DYSF: variants seen among roughly 807,000 people sequenced by gnomAD.
DYSF encodes dystrophy-associated fer-1-like 1.
A neutral mutation model predicts 274.9 loss-of-function variants in DYSF; 212 were observed. That is an observed-to-expected ratio of 0.77 (90% CI 0.69 to 0.86). The LOEUF (loss-of-function observed/expected upper bound fraction) is 0.86, where lower values mean the gene tolerates loss of function less well. Ranked by LOEUF, DYSF falls within the 40% of genes least tolerant of loss-of-function variation. The pLI, the probability that DYSF is intolerant of heterozygous loss-of-function variation, is 0.00. For missense variants in DYSF, 2,666 were observed against 2,783.2 expected (o/e 0.96, Z 0.95); for synonymous variants, 1,091 against 1,078.7 (o/e 1.01, Z -0.22).
intron 7 of DYSF, among the ~76,000 whole-genome samples, chr2:71,514,297 T>C (rs2086428225): frequency 6.6e-6 from 1 of 152,174 alleles, no homozygotes; most frequent in Non-Finnish European, 1.5e-5. Context: ...ACCTTCCGCA[T>C]CACCTGTATA....
At chr2:71,474,225 C>T (rs1403332563) in intron 1 of DYSF, among the ~76,000 whole-genome samples, 4 of 152,184 alleles carry the variant, frequency 2.6e-5, no homozygotes, top group Admixed American at 2.0e-4. Flanking sequence ...CATGCCCAGC[C>T]GATTTTGACT....
intron 14 of DYSF, among the ~76,000 whole-genome samples, chr2:71,529,873 G>A (rs1453213710): frequency 6.6e-6 from 1 of 152,116 alleles, no homozygotes; most frequent in African/African-American, 2.4e-5. Context: ...CCGCTTCGTT[G>A]AGTATTAGTA....
At chr2:71,594,247 C>T (rs1270968973) in intron 32 of DYSF, among the ~76,000 whole-genome samples, 2 of 152,166 alleles carry the variant, frequency 1.3e-5, no homozygotes, top group African/African-American at 2.4e-5. Flanking sequence ...TCCTTCCCAA[C>T]CCCTTTTTAA....
intron 30 of DYSF, among the ~76,000 whole-genome samples, chr2:71,578,759 C>T (rs532089445): frequency 8.5e-5 from 13 of 152,210 alleles, no homozygotes; most frequent in African/African-American, 2.2e-4. Context: ...CGTCCACCAG[C>T]GAGCTGGGCC....
rs1558833287 is a variant in DYSF, at chr2:71,686,503, G to A, written c.*11G>A. 1.9e-6 allele frequency: 3 copies of A among 1,614,074 alleles called. No homozygotes were observed. Among genetic ancestry groups the A allele is most frequent in the East Asian group, 4.5e-5 (2 of 44,840 alleles). On this transcript the variant is annotated 3_prime_UTR_variant, in exon 56 of 56. Transcript: ENST00000410020. ...AAGCCCTTCAGCTGAGGACTCTCCT[G>A]CCCTGTAGAAGGGGCCGTGGGGTCC... is the stretch of plus-strand genomic sequence containing the variant.
chr2:71,589,544 C>T (rs1263174604), intron 30 of DYSF, 49 bp from the exon 31 acceptor site: 1 of 1,519,518 alleles, frequency 6.6e-7, no homozygotes. Context: ...CTCCCTGCCA[C>T]CCCCAGGCCT....
intron 10 of DYSF, 140 bp from the exon 11 acceptor site, chr2:71,520,038 T>C (rs2087083992): frequency 3.3e-6 from 3 of 901,208 alleles, no homozygotes; most frequent in East Asian, 2.4e-5. Context: ...TTTCTTTTCA[T>C]GTAGTATCAA....
chr2:71,466,960 A>G (rs1362165829), intron 1 of DYSF, 27 bp downstream of exon 1: 1 of 1,546,866 alleles, frequency 6.5e-7, no homozygotes, highest in South Asian at 1.2e-5. Context: ...TGCCGCGCCC[A>G]TGCTCGGGTG....
intron 32 of DYSF, among the ~76,000 whole-genome samples, chr2:71,594,237 T>C (rs113035817): frequency 6.6e-6 from 1 of 152,166 alleles, no homozygotes; most frequent in African/African-American, 2.4e-5. Flanking sequence ...ACTCCAGTCT[T>C]CCTTCCCAAC....
At position 71,553,982 on chromosome 2, in the gene DYSF, C is replaced by A. The variant is rs751294343; in HGVS notation, c.2109+51C>A. On this transcript the variant is annotated intron_variant, in intron 21 of 55. Transcript: ENST00000410020. ...CACATGCCTATGCATGCACCTGCTA[C>A]CCCCGCTGCATGGGGTGTCTCAGAC... 4.3e-6 allele frequency: 7 copies of A among 1,613,212 alleles called. No individual in the cohort carries two copies. The African/African-American group carries it at 9.3e-5, about 22-fold the overall frequency.
chr2:71,620,480 A>G (rs971671613), intron 40 of DYSF, 67 bp from the exon 41 acceptor site: 2 of 1,512,098 alleles, frequency 1.3e-6, no homozygotes, highest in African/African-American at 2.8e-5. Flanking sequence ...TACCTCTTGG[A>G]GACTGTCCAG....
At chr2:71,650,229 T>C (rs574793431) in intron 42 of DYSF, among the ~76,000 whole-genome samples, 15 of 152,082 alleles carry the variant, frequency 9.9e-5, no homozygotes, top group Admixed American at 5.9e-4. Flanking sequence ...GCCTGTAATC[T>C]CAGCACTTTG....
intron 43 of DYSF, among the ~76,000 whole-genome samples, chr2:71,658,014 G>A (rs1254043994): frequency 6.6e-6 from 1 of 152,140 alleles, no homozygotes; most frequent in Non-Finnish European, 1.5e-5. Context: ...GCATCATCAG[G>A]CTGCACATTT....
intron 20 of DYSF, 55 bp from the exon 21 acceptor site, chr2:71,553,752 A>AAAACCCCCC: frequency 6.3e-5 from 17 of 267,804 alleles, no homozygotes; most frequent in Non-Finnish European, 9.3e-5. Context: ...TTAGCACCCC[A>AAAACCCCCC]TCCCACCCGC....
intron 17 of DYSF, among the ~76,000 whole-genome samples, chr2:71,540,628 T>C (rs2089846905): frequency 6.6e-6 from 1 of 151,512 alleles, no homozygotes; most frequent in South Asian, 2.1e-4. Flanking sequence ...GCTGGTGAAG[T>C]TGACCGATTT....
intron 12 of DYSF, among the ~76,000 whole-genome samples, chr2:71,523,468 C>A (rs942899545): frequency 6.6e-6 from 1 of 151,822 alleles, no homozygotes; most frequent in Non-Finnish European, 1.5e-5. Context: ...TCTCTGCCAT[C>A]CATCCTAAGT....
At chr2:71,647,260 G>T (rs1038634800) in intron 42 of DYSF, among the ~76,000 whole-genome samples, 7 of 152,026 alleles carry the variant, frequency 4.6e-5, no homozygotes, top group African/African-American at 1.7e-4. Context: ...TTAAAATAGA[G>T]AATAAAAATA....
intron 20 of DYSF, 60 bp from the exon 21 acceptor site, chr2:71,553,747 A>AGG: frequency 2.3e-4 from 204 of 872,398 alleles, no homozygotes; most frequent in Non-Finnish European, 3.3e-4. Context: ...CACTCTTAGC[A>AGG]CCCCATCCCA....
At chr2:71,550,923 C>T in intron 17 of DYSF, 118 bp from the exon 18 acceptor site, 1 of 808,284 alleles carries the variant, frequency 1.2e-6, no homozygotes, top group South Asian at 1.4e-5. Flanking sequence ...GGAGCTGCAT[C>T]TGGTGCATGT....
Sources: gnomAD v4.1 joint callset for allele counts (sites outside exome capture counted in the v4.1 genomes callset) on GRCh38, gnomAD v4.1.1 for gene constraint, MANE v1.5 for transcripts, NCBI Gene and HGNC (gene_info 2026-07-23, HGNC 2026-07-21) for gene names.